FGD6: variants seen among roughly 807,000 people sequenced by gnomAD.
FGD6 encodes the protein FYVE, RhoGEF and PH domain containing 6.
Under a neutral mutation model 149.4 loss-of-function variants are expected in FGD6, and 90 were observed. The ratio of observed to expected loss-of-function variants is 0.60; its 90% CI spans 0.51 to 0.72. FGD6 has a LOEUF of 0.72. Among genes scored for constraint, FGD6 ranks in the 30% least tolerant of loss-of-function variants. The pLI is 0.00. For synonymous variants in FGD6, 527 were observed against 584.0 expected (o/e 0.90, Z 1.41); for missense variants, 1,437 against 1,684.8 (o/e 0.85, Z 2.57).
At chr12:95,206,130 T>A (rs376601843) in intron 2 of FGD6, among the ~76,000 whole-genome samples, 224 of 152,162 alleles carry the variant, frequency 1.5e-3, no homozygotes, top group Middle Eastern at 0.01. Context: ...GGTAAGCCCT[T>A]AGGGTTTAAG....
chr12:95,142,207 T>A (rs1451805784), intron 5 of FGD6, among the ~76,000 whole-genome samples: 1 of 150,894 alleles, frequency 6.6e-6, no homozygotes, highest in African/African-American at 2.4e-5. Flanking sequence ...AGTGGCGCGA[T>A]CTTGGCTCAC....
chr12:95,174,516 T>C (rs1881074984), intron 2 of FGD6, among the ~76,000 whole-genome samples: 1 of 152,124 alleles, frequency 6.6e-6, no homozygotes, highest in Admixed American at 6.5e-5. Flanking sequence ...TCCCAGTCTA[T>C]GTGTGAGAAG....
chr12:95,199,324 T>G (rs756034876), intron 2 of FGD6, among the ~76,000 whole-genome samples: 38 of 152,178 alleles, frequency 2.5e-4, no homozygotes, highest in Non-Finnish European at 4.4e-4. Flanking sequence ...TAAGACTATA[T>G]TTAACCTAAA....
intron 9 of FGD6, among the ~76,000 whole-genome samples, chr12:95,112,227 C>T (rs150036190): frequency 0.013 from 1,673 of 130,554 alleles, 35 homozygotes; most frequent in African/African-American, 0.045. Flanking sequence ...AAGTAAGACT[C>T]TGTCTCAAAA....
intron 18 of FGD6, among the ~76,000 whole-genome samples, chr12:95,088,560 G>C (rs1417526494): frequency 6.6e-6 from 1 of 152,150 alleles, no homozygotes; most frequent in East Asian, 1.9e-4. Flanking sequence ...TACCATATGA[G>C]CAAGCAATTC....
At chr12:95,201,908 G>A (rs561126801) in intron 2 of FGD6, among the ~76,000 whole-genome samples, 71 of 151,596 alleles carry the variant, frequency 4.7e-4, no homozygotes, top group African/African-American at 1.5e-3. Flanking sequence ...CCCAAAGTGT[G>A]CAAATTTCAG....
chr12:95,091,468 C>T (rs1362944816), intron 17 of FGD6, among the ~76,000 whole-genome samples: 1 of 152,028 alleles, frequency 6.6e-6, no homozygotes, highest in African/African-American at 2.4e-5. Flanking sequence ...AGTGTTTTAC[C>T]CTGTAATTAC....
At chr12:95,178,464 T>G (rs149139704) in intron 2 of FGD6, among the ~76,000 whole-genome samples, 125 of 152,274 alleles carry the variant, frequency 8.2e-4, no homozygotes, top group Non-Finnish European at 1.2e-3. Context: ...AAAAGAAACA[T>G]CAATGCTTCA....
At chr12:95,144,635 A>G (rs1157656103) in intron 5 of FGD6, among the ~76,000 whole-genome samples, 1 of 151,346 alleles carries the variant, frequency 6.6e-6, no homozygotes, top group Non-Finnish European at 1.5e-5. Flanking sequence ...CAGGTGATTC[A>G]CCTGCCTCGG....
At chr12:95,086,748 A>G (rs12424500) in intron 18 of FGD6, among the ~76,000 whole-genome samples, 40,790 of 145,430 alleles carry the variant, frequency 0.28, 6,168 homozygotes, top group African/African-American at 0.42. Context: ...GGGTTTCATC[A>G]TGTTAGCCAG....
chr12:95,196,016 A>T (rs181234792), intron 2 of FGD6, among the ~76,000 whole-genome samples: 1 of 152,202 alleles, frequency 6.6e-6, no homozygotes, highest in Admixed American at 6.5e-5. Flanking sequence ...GCTACTTGGG[A>T]GGCTGAAGCA....
intron 14 of FGD6, chr12:95,100,760 A>C: frequency 2.0e-6 from 1 of 503,260 alleles, no homozygotes; most frequent in South Asian, 1.5e-5. Context: ...AAGGATATCA[A>C]TGCTTACAAT....
In FGD6 at chr12:95,089,796, G is replaced by A. The variant is rs1592825384; in HGVS notation, c.3851-100C>T. 3 of 1,456,094 alleles carry A rather than the reference G, an allele frequency of 2.1e-6. No homozygotes were observed. The East Asian group carries it at 7.0e-5, about 34-fold the overall frequency. The allele number at this position is 1,456,094 out of a possible 1,614,324, so 90.2% of individuals were successfully genotyped here. A position where few individuals can be genotyped will look rare whatever the true frequency, so the allele number is the denominator to read the frequency against. On this transcript the variant is annotated intron_variant, in intron 17 of 20. Transcript: ENST00000343958. ...ACTGTTGCATAAAATATCCATGGAA[G>A]GACACTAAGAAACAACATTGATAAC...
intron 14 of FGD6, among the ~76,000 whole-genome samples, chr12:95,104,798 A>G (rs112684645): frequency 0.013 from 2,014 of 152,008 alleles, 21 homozygotes; most frequent in Non-Finnish European, 0.02. Flanking sequence ...CTGTGGTCCC[A>G]GCTACTCAAG....
intron 7 of FGD6, among the ~76,000 whole-genome samples, chr12:95,137,174 G>A (rs955014242): frequency 6.6e-6 from 1 of 152,114 alleles, no homozygotes; most frequent in Admixed American, 6.5e-5. Flanking sequence ...AACTACTCGG[G>A]AAGCTGAGGC....
At position 95,079,861 on chromosome 12, in the gene FGD6, GA is replaced by G. The variant is rs1877614528; in HGVS notation, c.*1658del. On this transcript the variant is annotated 3_prime_UTR_variant, in exon 21 of 21. Transcript: ENST00000343958. ...CATGGTTGCTGTTAAGGATCACACT[GA>G]ATTAGGAAATCCTTTATTTAGAGGC... 2 of 151,790 alleles carry G rather than the reference GA, an allele frequency of 1.3e-5. No homozygotes were observed. 9.4% of individuals were successfully genotyped at this position (151,790 alleles called of 1,614,324 possible). A position where few individuals can be genotyped will look rare whatever the true frequency, so the allele number is the denominator to read the frequency against.
intron 6 of FGD6, among the ~76,000 whole-genome samples, chr12:95,140,551 A>G (rs1406164490): frequency 6.6e-6 from 1 of 152,134 alleles, no homozygotes. Flanking sequence ...TGGGAGGCAG[A>G]GGTTGCAGTG....
At chr12:95,154,268 C>CT (rs1009449992) in intron 3 of FGD6, among the ~76,000 whole-genome samples, 6 of 151,932 alleles carry the variant, frequency 3.9e-5, no homozygotes, top group Non-Finnish European at 8.8e-5. Context: ...CCATGAAATT[C>CT]TTTTATTATG....
At chr12:95,197,454 CAAAA>C (rs1320543392) in intron 2 of FGD6, among the ~76,000 whole-genome samples, 3 of 151,908 alleles carry the variant, frequency 2.0e-5, no homozygotes, top group Non-Finnish European at 1.5e-5. Flanking sequence ...AACAAACAAA[CAAAA>C]AGAACCCCAA....
Sources: allele counts gnomAD v4.1 joint callset (sites outside exome capture counted in the v4.1 genomes callset), GRCh38; gene constraint gnomAD v4.1.1; transcripts MANE v1.5; gene names NCBI Gene and HGNC (gene_info 2026-07-23, HGNC 2026-07-21).